Variants in ZFHX2 observed in about 807,000 individuals in gnomAD.
ZFHX2 encodes zinc finger homeobox protein 2.
A neutral mutation model predicts 164.8 loss-of-function variants in ZFHX2; 75 were observed. The ratio of observed to expected loss-of-function variants is 0.46; its 90% CI spans 0.38 to 0.55. The LOEUF (loss-of-function observed/expected upper bound fraction) is 0.55, where lower values mean the gene tolerates loss of function less well. ZFHX2 is among the 20% of genes least tolerant of loss of function. The pLI is 0.00. For synonymous variants in ZFHX2, 1,217 were observed against 1,351.4 expected (o/e 0.90, Z 2.18); for missense variants, 2,933 against 3,308.0 (o/e 0.89, Z 2.78).
upstream of ZFHX2, among the ~76,000 whole-genome samples, chr14:23,554,999 T>C (rs977646393): frequency 1.1e-4 from 17 of 152,166 alleles, no homozygotes; most frequent in Non-Finnish European, 2.4e-4. Context: ...TTTTATTTTT[T>C]TGGGGACAGA....
Position 23,534,695 on chromosome 14 carries a change from G to T in ZFHX2, c.631C>A (p.Gln211Lys), listed in dbSNP as rs1879963448. The T allele has an allele frequency of 6.5e-7, 1 of 1,536,210 alleles. No homozygotes were observed. The highest frequency in any genetic ancestry group is 2.4e-5 in the East Asian group (1 of 40,912). ...TCTCCGGGTGGATTTGGAGCCAGCT[G>T]GTAGCTCCAGAAAGCTCCATGCCTT... is the stretch of plus-strand genomic sequence containing the variant. ...EERHGAFWSY[Q>K]LAPNPPGDPK... The change falls in exon 2 of 10, where the codon CAG becomes AAG. Residue 211 changes from glutamine (Q) to lysine (K), a missense_variant. Gln to Lys is a moderately conservative substitution (Grantham distance 53). Transcript: ENST00000419474. The surrounding 1 kb of genome is among the most constrained non-coding windows in gnomAD (Gnocchi z 4.5).
At position 23,522,215 on chromosome 14, in the gene ZFHX2, C is replaced by T. The variant is rs544232950; in HGVS notation, c.7466G>A (p.Arg2489Gln). 17 of 1,478,416 alleles carry T rather than the reference C, an allele frequency of 1.1e-5. No homozygotes were observed. Among genetic ancestry groups the T allele is most frequent in the African/African-American group, 5.6e-5 (4 of 71,690 alleles). 91.6% of individuals were successfully genotyped at this position (1,478,416 alleles called of 1,614,324 possible). ...GSGGSMPPPL[R>Q]VPICTYHCLA... The stretch of plus-strand genomic sequence containing the variant: ...GCAGTGGTAGGTGCAGATGGGCACC[C>T]GCAATGGGGGTGGCATGGAGCCCCC... The change falls in exon 10 of 10, where the codon CGG becomes CAG. Residue 2489 changes from arginine to glutamine, a missense_variant. Arg to Gln is a conservative substitution (Grantham distance 43). Transcript: ENST00000419474.
rs1879760785 is a variant in ZFHX2, at chr14:23,533,081, G to A, written c.2045C>T (p.Pro682Leu). ...APARKFPTSA[P>L]GSLSPDAHLP... Reference sequence around the variant, plus strand: ...GTGGGCATCAGGGGATAGGCTTCCAGGGGCTAGAGGACAGAGACAGATTAG... The same window carrying A: ...GTGGGCATCAGGGGATAGGCTTCCAAGGGCTAGAGGACAGAGACAGATTAG... Residue 682 changes from proline to leucine, a missense_variant, in exon 3 of 10, where the codon CCT becomes CTT. Transcript: ENST00000419474. This position sits in a 1 kb window ranked among gnomAD's most constrained non-coding sequence, Gnocchi z 4.8. 1.3e-6 allele frequency: 2 copies of A among 1,523,328 alleles called. No individual in the cohort carries two copies. The highest frequency in any genetic ancestry group is 2.0e-5 in the Admixed American group (1 of 50,266). The allele number at this position is 1,523,328 out of a possible 1,614,324, so 94.4% of individuals were successfully genotyped here.
In ZFHX2 at chr14:23,526,161, A is replaced by T. The variant is rs1878681796; in HGVS notation, c.3781T>A (p.Ser1261Thr). ...GACCGCATGTGGATCTCCAGGGTGG[A>T]GCTCTGGTTGTAGGAGACTCTGCAG... ...TVCRVSYNQS[S>T]TLEIHMRSVL... is the part of the protein sequence containing the mutation. The change falls in exon 9 of 10, where the codon TCC becomes ACC. Residue 1261 changes from serine to threonine, a missense_variant. Physicochemically the swap from Ser to Thr is moderately conservative, Grantham distance 58. Transcript: ENST00000419474. 6.5e-7 allele frequency: 1 copy of T among 1,535,906 alleles called. No individual in the cohort carries two copies. Among genetic ancestry groups the T allele is most frequent in the Non-Finnish European group, 8.7e-7 (1 of 1,146,836 alleles).
intron 1 of ZFHX2, among the ~76,000 whole-genome samples, chr14:23,549,343 C>T (rs1476732096): frequency 6.6e-6 from 1 of 151,986 alleles, no homozygotes; most frequent in Non-Finnish European, 1.5e-5. Context: ...TTCTGTTCAC[C>T]TCTGAAATCG....
Position 23,535,661 on chromosome 14 carries a change from C to T in ZFHX2, c.-49-287G>A, listed in dbSNP as rs973441503. ...AGGATGGAGTGCAATGGCGTGATCTCGGCTCACCGCAACCTCCACCTCCTG... is the reference window on the plus strand; with the variant it reads ...AGGATGGAGTGCAATGGCGTGATCTTGGCTCACCGCAACCTCCACCTCCTG... On this transcript the variant is annotated intron_variant, in intron 1 of 9. Coordinates refer to ENST00000419474, the MANE Select transcript of ZFHX2 (RefSeq NM_033400.3). The surrounding 1 kb of genome is among the most constrained non-coding windows in gnomAD (Gnocchi z 4.5). Among the ~76,000 whole-genome samples the T allele has an allele frequency of 1.3e-5, 2 of 151,938 alleles. No individual in the cohort carries two copies. Among genetic ancestry groups the T allele is most frequent in the Admixed American group, 6.6e-5 (1 of 15,264 alleles).
In ZFHX2 at chr14:23,523,585, C is replaced by G. The variant is rs778841819; in HGVS notation, c.6357G>C (p.Lys2119Asn). Residue 2119 changes from lysine to asparagine, a missense_variant, in exon 9 of 10, where the codon AAG becomes AAC. Transcript: ENST00000419474. This position sits in a 1 kb window ranked among gnomAD's most constrained non-coding sequence, Gnocchi z 4.1. ...TCCCCTGTAGTTTGGCCTTCTTTTC[C>G]TTGGCACGAGCATTCTGGAACCAGA... Reference protein sequence around the residue: ...IQVWFQNARAKEKKAKLQGTA... With the variant: ...IQVWFQNARANEKKAKLQGTA... 1.3e-6 allele frequency: 2 copies of G among 1,548,534 alleles called. No homozygotes were observed. Among genetic ancestry groups the G allele is most frequent in the South Asian group, 2.4e-5 (2 of 85,106 alleles).
In ZFHX2 at chr14:23,532,951, CT is replaced by C; in HGVS notation, c.2174del (p.Gln725ArgfsTer17). On this transcript the variant is annotated frameshift_variant, in exon 3 of 10. Coordinates refer to ENST00000419474, the MANE Select transcript of ZFHX2 (RefSeq NM_033400.3). LOFTEE classifies it high-confidence loss of function. Reference sequence around the variant, plus strand: ...GCTCCAGGCTGTCTGTGCTGAAGGCCTGGCACACTAGGCAGCGGAACACCTT... The same window carrying C: ...GCTCCAGGCTGTCTGTGCTGAAGGCCGGCACACTAGGCAGCGGAACACCTT... ...SLKVFRCLVC[Q>X]AFSTDSLELL... 6.5e-7 allele frequency: 1 copy of C among 1,536,214 alleles called. No individual in the cohort carries two copies. Among genetic ancestry groups the C allele is most frequent in the Admixed American group, 2.0e-5 (1 of 51,008 alleles).
Position 23,525,180 on chromosome 14 carries a change from G to A in ZFHX2, c.4762C>T (p.Pro1588Ser). 6.5e-7 allele frequency: 1 copy of A among 1,536,160 alleles called. No individual in the cohort carries two copies. The highest frequency in any genetic ancestry group is 8.7e-7 in the Non-Finnish European group (1 of 1,146,922). Residue 1588 changes from proline (P) to serine (S), a missense_variant, in exon 9 of 10, where the codon CCT (proline) becomes TCT (serine). Pro to Ser is a moderately conservative substitution (Grantham distance 74). Coordinates refer to ENST00000419474, the MANE Select transcript of ZFHX2 (RefSeq NM_033400.3). This position sits in a 1 kb window ranked among gnomAD's most constrained non-coding sequence, Gnocchi z 5.9. ...EEEESSRGNLPPLVPAGRRFS... is the reference protein window; with the variant it reads ...EEEESSRGNLSPLVPAGRRFS... ...CGGCGGCCGGCAGGCACCAGGGGAG[G>A]AAGATTCCCTCTGGAGCTTTCTTCC...
chr14:23,529,853 G>C lies in ZFHX2; in HGVS notation c.2876-85C>G, dbSNP rs549937366. 4.9e-4 allele frequency: 675 copies of C among 1,380,190 alleles called. 7 individuals are homozygous for C. In the South Asian group the frequency reaches 8.0e-3, roughly 16 times the overall value. The allele number at this position is 1,380,190 out of a possible 1,614,324, so 85.5% of individuals were successfully genotyped here. ...AGAGAGCTTCCAGGGTAGGGAGTTG[G>C]GCACTAGAGAAAGGGCAGGAAACTC... On this transcript the variant is annotated intron_variant, in intron 5 of 9. Coordinates refer to ENST00000419474, the MANE Select transcript of ZFHX2 (RefSeq NM_033400.3).
In ZFHX2 at chr14:23,527,716, T is replaced by G; in HGVS notation, c.3023A>C (p.Lys1008Thr). ...HTLSQHAVQP[K>T]YRCPLCQEQL... ...TTCCTGGCACAGTGGGCATCTGTAC[T>G]TGGGCTGCACTGCATGCTGGGAGAG... Residue 1008 changes from lysine to threonine, a missense_variant, in exon 7 of 10, where the codon AAG becomes ACG. Coordinates refer to ENST00000419474, the MANE Select transcript of ZFHX2 (RefSeq NM_033400.3). 1 of 1,536,198 alleles carries G rather than the reference T, an allele frequency of 6.5e-7. No individual in the cohort carries two copies.
chr14:23,547,007 A>C (rs1480862205), intron 1 of ZFHX2, among the ~76,000 whole-genome samples: 1 of 152,050 alleles, frequency 6.6e-6, no homozygotes, highest in Non-Finnish European at 1.5e-5. Context: ...TTGGCCCTTC[A>C]CCTCGTGATT....
rs745996981 is a variant in ZFHX2 at position 23,534,885 on chromosome 14, C to A, written c.441G>T (p.Ala147=). The A allele has an allele frequency of 6.5e-6, 10 of 1,535,944 alleles. No individual in the cohort carries two copies. The highest frequency in any genetic ancestry group is 5.9e-5 in the Admixed American group (3 of 50,980). ...GCAGACTGGGCTCTTCCTTGATGCC[C>A]GCCTCACCCCAGGGGAAGCCCTTTG... ...LLPKGFPWGE[A]GIKEEPSLPF... is the part of the protein sequence containing the mutation. Residue 147 remains alanine, a synonymous_variant, in exon 2 of 10, where the codon GCG becomes GCT. Coordinates refer to ENST00000419474, the MANE Select transcript of ZFHX2 (RefSeq NM_033400.3). The surrounding 1 kb of genome is among the most constrained non-coding windows in gnomAD (Gnocchi z 4.5).
At chr14:23,554,753 A>G (rs1254382648), upstream of ZFHX2, among the ~76,000 whole-genome samples, 1 of 152,092 alleles carries the variant, frequency 6.6e-6, no homozygotes, top group East Asian at 1.9e-4. Context: ...ATGTATTTCC[A>G]GAAACATACT....
At chr14:23,544,551 ATGTACACG>A (rs879754890) in intron 1 of ZFHX2, among the ~76,000 whole-genome samples, 7 of 152,108 alleles carry the variant, frequency 4.6e-5, no homozygotes, top group Non-Finnish European at 1.0e-4. Flanking sequence ...CAGGCCCTCC[ATGTACACG>A]TGTGTGGGCC....
Position 23,533,109 on chromosome 14 carries a change from G to C in ZFHX2, c.2042-25C>G. 1 of 1,488,992 alleles carries C rather than the reference G, an allele frequency of 6.7e-7. No individual in the cohort carries two copies. Among genetic ancestry groups the C allele is most frequent in the African/African-American group, 1.4e-5 (1 of 71,806 alleles). The allele number at this position is 1,488,992 out of a possible 1,614,324, so 92.2% of individuals were successfully genotyped here. Reference sequence around the variant, plus strand: ...GCTAGAGGACAGAGACAGATTAGTGGCCCAAGAAAGAAATGGGGCACGGTT... The same window carrying C: ...GCTAGAGGACAGAGACAGATTAGTGCCCCAAGAAAGAAATGGGGCACGGTT... On this transcript the variant is annotated intron_variant, in intron 2 of 9. Transcript: ENST00000419474. The surrounding 1 kb of genome is among the most constrained non-coding windows in gnomAD (Gnocchi z 4.8).
intron 1 of ZFHX2, among the ~76,000 whole-genome samples, chr14:23,536,061 C>A (rs967590193): frequency 6.6e-6 from 1 of 152,150 alleles, no homozygotes; most frequent in Non-Finnish European, 1.5e-5. Context: ...TCAATCCCTC[C>A]ATTTATCTCC....
At chr14:23,547,184 C>A (rs1881479688) in intron 1 of ZFHX2, among the ~76,000 whole-genome samples, 1 of 152,238 alleles carries the variant, frequency 6.6e-6, no homozygotes, top group Admixed American at 6.5e-5. Flanking sequence ...AAGGCCATCC[C>A]TCACAGGGTT....
chr14:23,524,511 C>G lies in ZFHX2; in HGVS notation c.5431G>C (p.Val1811Leu). The G allele has an allele frequency of 6.6e-7, 1 of 1,526,488 alleles. No homozygotes were observed. Among genetic ancestry groups the G allele is most frequent in the Non-Finnish European group, 8.8e-7 (1 of 1,141,632 alleles). 94.6% of individuals were successfully genotyped at this position (1,526,488 alleles called of 1,614,324 possible). A position where few individuals can be genotyped will look rare whatever the true frequency, so the allele number is the denominator to read the frequency against. The change falls in exon 9 of 10, where the codon GTG becomes CTG. Residue 1811 changes from valine (V) to leucine (L), a missense_variant. Val to Leu is a conservative substitution (Grantham distance 32). Transcript: ENST00000419474. This position sits in a 1 kb window ranked among gnomAD's most constrained non-coding sequence, Gnocchi z 5.6. Reference protein sequence around the residue: ...PPQLLDLPLLVFGERNPLVAA... With the variant: ...PPQLLDLPLLLFGERNPLVAA... ...ACCAGGGGGTTTCTCTCCCCAAACA[C>G]CAGCAAGGGCAGATCTAGGAGTTGG...
Sources: gnomAD v4.1 joint callset for allele counts (sites outside exome capture counted in the v4.1 genomes callset) on GRCh38, gnomAD v4.1.1 for gene constraint, Gnocchi (gnomAD v3.1) non-coding constraint, MANE v1.5 for transcripts, NCBI Gene and HGNC (gene_info 2026-07-23, HGNC 2026-07-21) for gene names.